LDLRAD1: variants seen among roughly 807,000 people sequenced by gnomAD.
LDLRAD1 encodes the protein low-density lipoprotein receptor class A domain-containing protein 1.
A neutral mutation model predicts 24.8 loss-of-function variants in LDLRAD1; 17 were observed. The ratio of observed to expected loss-of-function variants is 0.69; its 90% CI spans 0.47 to 1.03. The LOEUF (loss-of-function observed/expected upper bound fraction) is 1.03, where lower values mean the gene tolerates loss of function less well. Ranked by LOEUF, LDLRAD1 falls within the 50% of genes least tolerant of loss-of-function variation. The pLI, the probability that LDLRAD1 is intolerant of heterozygous loss-of-function variation, is 0.00. For missense variants in LDLRAD1, 277 were observed against 271.0 expected, an observed-to-expected ratio of 1.02 and a Z score of -0.16; for synonymous variants, 103 against 108.2, an observed-to-expected ratio of 0.95 and a Z score of 0.30.
At chr1:54,017,478 C>T in intron 1 of LDLRAD1, 51 bp from the exon 2 acceptor site, 1 of 1,510,542 alleles carries the variant, frequency 6.6e-7, no homozygotes, top group Non-Finnish European at 9.1e-7. Flanking sequence ...TGAGCTCCAG[C>T]CTCAGGGAGG....
intron 2 of LDLRAD1, among the ~76,000 whole-genome samples, chr1:54,015,556 G>T (rs577554825): frequency 2.8e-4 from 42 of 152,166 alleles, no homozygotes; most frequent in Non-Finnish European, 5.0e-4. Context: ...CAGGCCACAG[G>T]TACCTCAGAG....
At chr1:54,010,474 G>A (rs17109656) in intron 4 of LDLRAD1, 64 bp from the exon 5 acceptor site, 89,151 of 1,579,438 alleles carry the variant, frequency 0.056, 8,440 homozygotes, top group African/African-American at 0.44. Flanking sequence ...GAGGGTTATC[G>A]GGAGGAGGAT....
chr1:54,009,515 C>T (rs72904374), intron 5 of LDLRAD1, among the ~76,000 whole-genome samples: 16,813 of 152,110 alleles, frequency 0.11, 1,955 homozygotes, highest in African/African-American at 0.3. Context: ...CTCAGGCCTC[C>T]GGCATTCCTC....
chr1:54,014,527 G>T (rs998951629), intron 2 of LDLRAD1, among the ~76,000 whole-genome samples, 163 bp from the exon 3 acceptor site: 2 of 152,158 alleles, frequency 1.3e-5, no homozygotes, highest in African/African-American at 4.8e-5. Context: ...AGCCCTCCTT[G>T]ATGCTCTTTG....
At position 54,007,736 on chromosome 1, in the gene LDLRAD1, T is replaced by G. The variant is rs1332145809; in HGVS notation, c.*1246A>C. 4 of 152,310 alleles carry G rather than the reference T, an allele frequency of 2.6e-5. No homozygotes were observed. Among genetic ancestry groups the G allele is most frequent in the Non-Finnish European group, 5.9e-5 (4 of 68,120 alleles). 9.4% of individuals were successfully genotyped at this position (152,310 alleles called of 1,614,324 possible). A position where few individuals can be genotyped will look rare whatever the true frequency, so the allele number is the denominator to read the frequency against. On this transcript the variant is annotated 3_prime_UTR_variant, in exon 6 of 6. Coordinates refer to ENST00000371360, the MANE Select transcript of LDLRAD1 (RefSeq NM_001010978.4). ...TGCTGGGATCATAGGCATGAGCCAG[T>G]GCACCTGACAAGCTCACTTTTAAAA...
intron 3 of LDLRAD1, among the ~76,000 whole-genome samples, chr1:54,012,947 A>G (rs532048554): frequency 7.2e-5 from 11 of 152,224 alleles, no homozygotes; most frequent in African/African-American, 2.6e-4. Context: ...TTGGCCCCAC[A>G]TGTGTATACG....
At chr1:54,013,658 C>A (rs929729698) in intron 3 of LDLRAD1, among the ~76,000 whole-genome samples, 1 of 152,098 alleles carries the variant, frequency 6.6e-6, no homozygotes. Flanking sequence ...TCCTGGCATC[C>A]CCCCACTACT....
rs111862115 is a variant in LDLRAD1, at chr1:54,014,228, G to T, written c.202+8C>A. On this transcript the variant is annotated splice_region_variant and intron_variant, in intron 3 of 5. Transcript: ENST00000371360. ...GGGTCTGACCCACCCTCTCTTGGCC[G>T]CCCTGACCTGGGGTGCATGATGGGA... is the stretch of plus-strand genomic sequence containing the variant. The T allele has an allele frequency of 9.5e-5, 149 of 1,570,000 alleles. No homozygotes were observed. The highest frequency in any genetic ancestry group is 1.2e-4 in the Non-Finnish European group (143 of 1,157,454).
At chr1:54,014,198 C>T in intron 3 of LDLRAD1, 38 bp downstream of exon 3, 1 of 1,564,276 alleles carries the variant, frequency 6.4e-7, no homozygotes, top group Non-Finnish European at 8.7e-7. Context: ...CATGCCCTCC[C>T]CGCCGGGTCT....
Position 54,017,074 on chromosome 1 carries a change from T to G in LDLRAD1, c.73+302A>C, listed in dbSNP as rs555537414. 7.9e-5 allele frequency among the ~76,000 whole-genome samples: 12 copies of G among 152,356 alleles called. No individual in the cohort carries two copies. In the South Asian group the frequency reaches 2.3e-3, roughly 29 times the overall value. On this transcript the variant is annotated intron_variant, in intron 2 of 5. Transcript: ENST00000371360. Reference sequence around the variant, plus strand: ...CCCAGGTCACCCACTGAGTCAAGAATTTGACGCTGGTGCTCTTTTCTCTGT... The same window carrying G: ...CCCAGGTCACCCACTGAGTCAAGAAGTTGACGCTGGTGCTCTTTTCTCTGT...
chr1:54,012,125 C>A lies in LDLRAD1; in HGVS notation c.340+18G>T. On this transcript the variant is annotated intron_variant, in intron 4 of 5. Coordinates refer to ENST00000371360, the MANE Select transcript of LDLRAD1 (RefSeq NM_001010978.4). ...GTGGGGGAACCCCTGGGAGGGGCAG[C>A]ACCGAGCGGGTACTCACGGCACAAG... 6 of 1,612,714 alleles carry A rather than the reference C, an allele frequency of 3.7e-6. No homozygotes were observed. The highest frequency in any genetic ancestry group is 5.1e-6 in the Non-Finnish European group (6 of 1,179,732).
At chr1:54,015,953 C>T (rs1201637532) in intron 2 of LDLRAD1, among the ~76,000 whole-genome samples, 1 of 152,160 alleles carries the variant, frequency 6.6e-6, no homozygotes, top group African/African-American at 2.4e-5. Flanking sequence ...CCACACCGGC[C>T]TGGGGCTTTG....
intron 1 of LDLRAD1, among the ~76,000 whole-genome samples, chr1:54,017,878 T>G (rs1224532840): frequency 6.6e-6 from 1 of 152,074 alleles, no homozygotes; most frequent in Non-Finnish European, 1.5e-5. Flanking sequence ...CTGATTTTCC[T>G]CCGTGTCTCC....
chr1:54,017,430 G>A lies in LDLRAD1; in HGVS notation c.22-3C>T. The A allele has an allele frequency of 6.3e-7, 1 of 1,599,808 alleles. No individual in the cohort carries two copies. The highest frequency in any genetic ancestry group is 8.5e-7 in the Non-Finnish European group (1 of 1,172,294). On this transcript the variant is annotated splice_polypyrimidine_tract_variant and splice_region_variant and intron_variant, in intron 1 of 5. Transcript: ENST00000371360. Reference sequence around the variant, plus strand: ...GCAGCAGTGTAGCCATTCTCTCCCTGCCCAAGAGAACAGAGTGAGGGGTGG... The same window carrying A: ...GCAGCAGTGTAGCCATTCTCTCCCTACCCAAGAGAACAGAGTGAGGGGTGG...
chr1:54,013,168 A>G (rs867577051), intron 3 of LDLRAD1, among the ~76,000 whole-genome samples: 1 of 152,008 alleles, frequency 6.6e-6, no homozygotes, highest in Non-Finnish European at 1.5e-5. Flanking sequence ...CTATGTGCAC[A>G]CTCACAGATA....
At chr1:54,010,239 G>T in intron 5 of LDLRAD1, 43 bp downstream of exon 5, 1 of 1,609,722 alleles carries the variant, frequency 6.2e-7, no homozygotes. Context: ...TCTGGCTGCT[G>T]CCTGGACACC....
At chr1:54,014,510 G>T in intron 2 of LDLRAD1, 146 bp from the exon 3 acceptor site, 1 of 781,282 alleles carries the variant, frequency 1.3e-6, no homozygotes, top group Non-Finnish European at 2.1e-6. Flanking sequence ...TGGAGGAGCA[G>T]CTCCCAAGCC....
Position 54,008,923 on chromosome 1 carries a change from A to G in LDLRAD1, c.*59T>C. 6.6e-7 allele frequency: 1 copy of G among 1,506,462 alleles called. No individual in the cohort carries two copies. The highest frequency in any genetic ancestry group is 9.0e-7 in the Non-Finnish European group (1 of 1,107,882). 93.3% of individuals were successfully genotyped at this position (1,506,462 alleles called of 1,614,324 possible). A position where few individuals can be genotyped will look rare whatever the true frequency, so the allele number is the denominator to read the frequency against. On this transcript the variant is annotated 3_prime_UTR_variant, in exon 6 of 6. Transcript: ENST00000371360. ...CCTTGTGCGCTAGGATTTGATTTTC[A>G]TGTGAAGGGTTATCAGTGCCATTCC...
intron 2 of LDLRAD1, among the ~76,000 whole-genome samples, chr1:54,015,819 C>G (rs112072642): frequency 3.9e-5 from 6 of 152,006 alleles, no homozygotes; most frequent in African/African-American, 1.4e-4. Flanking sequence ...CCATGCCTGG[C>G]TAATTTTTGT....
Sources: gnomAD v4.1 joint callset for allele counts (sites outside exome capture counted in the v4.1 genomes callset) on GRCh38, gnomAD v4.1.1 for gene constraint, MANE v1.5 for transcripts, NCBI Gene and HGNC (gene_info 2026-07-23, HGNC 2026-07-21) for gene names.